HS6ST2: variants seen among roughly 807,000 people sequenced by gnomAD.
HS6ST2 encodes heparan sulfate 6-O-sulfotransferase 2, also known as heparan-sulfate 6-O-sulfotransferase 2.
A neutral mutation model predicts 33.0 loss-of-function variants in HS6ST2; 17 were observed. The ratio of observed to expected loss-of-function variants is 0.52; its 90% CI spans 0.35 to 0.77. HS6ST2 has a LOEUF of 0.77. Among genes scored for constraint, HS6ST2 ranks in the 30% least tolerant of loss-of-function variants. The pLI is 0.01. For missense variants in HS6ST2, 519 were observed against 551.7 expected, an observed-to-expected ratio of 0.94 and a Z score of 0.59; for synonymous variants, 248 against 237.1, an observed-to-expected ratio of 1.05 and a Z score of -0.42.
chrX:132,858,061 AC>A (rs1281911952), intron 2 of HS6ST2, among the ~76,000 whole-genome samples: 3 of 111,675 alleles, frequency 2.7e-5, no homozygotes, highest in Non-Finnish European at 5.6e-5. Flanking sequence ...GTTTAAAATG[AC>A]CCTCACTGTT....
In HS6ST2 at chrX:132,779,522, G is replaced by C. The variant is rs189829138; in HGVS notation, c.948-71028C>G. Among the ~76,000 whole-genome samples, 44 of 110,495 alleles carry C rather than the reference G, an allele frequency of 4.0e-4. No homozygotes were observed. The East Asian group carries it at 6.3e-3, about 16-fold the overall frequency. Reference sequence around the variant, plus strand: ...TATAGTTTTTTTTTTAGCTCATTAAGACATGAGCTGCAAAATAAACTTAAG... The same window carrying C: ...TATAGTTTTTTTTTTAGCTCATTAACACATGAGCTGCAAAATAAACTTAAG... On this transcript the variant is annotated intron_variant, in intron 2 of 4. Transcript: ENST00000370833.
intron 2 of HS6ST2, among the ~76,000 whole-genome samples, chrX:132,834,787 G>A (rs1211609447): frequency 3.6e-5 from 4 of 111,739 alleles, no homozygotes; most frequent in Non-Finnish European, 7.5e-5. Context: ...TGGTTGTACT[G>A]AAAGGCAAAA....
intron 4 of HS6ST2, among the ~76,000 whole-genome samples, chrX:132,634,470 T>C (rs1002844073): frequency 1.3e-4 from 15 of 111,946 alleles, no homozygotes; most frequent in African/African-American, 4.5e-4. Flanking sequence ...TGACTCCCCA[T>C]TGGGTTACAT....
At chrX:132,867,802 A>G (rs939459608) in intron 2 of HS6ST2, among the ~76,000 whole-genome samples, 1 of 112,018 alleles carries the variant, frequency 8.9e-6, no homozygotes, top group Non-Finnish European at 1.9e-5. Flanking sequence ...CATGGAAAGG[A>G]AAAACCAGTA....
chrX:132,806,965 G>C (rs1354162221), intron 2 of HS6ST2, among the ~76,000 whole-genome samples: 1 of 110,264 alleles, frequency 9.1e-6, no homozygotes, highest in Non-Finnish European at 1.9e-5. Context: ...ATGTGATTGG[G>C]ACTATTGTGC....
In HS6ST2 at chrX:132,958,431, C is replaced by G; in HGVS notation, c.172G>C (p.Val58Leu). ...GGCCGGGTGTGGAATCCGTGAGACA[C>G]ACCCCTAGGAGGGCCCGCGCGAACT... ...ASVRAGPPRG[V>L]SHGFHTRPLL... The change falls in exon 1 of 5, where the codon GTG (valine) becomes CTG (leucine). Residue 58 changes from valine (V) to leucine (L), a missense_variant. Coordinates refer to ENST00000370833, the MANE Select transcript of HS6ST2 (RefSeq NM_001394073.1). The G allele has an allele frequency of 3.3e-6, 4 of 1,199,130 alleles. No individual in the cohort carries two copies. The South Asian group carries it at 7.2e-5, about 21-fold the overall frequency.
intron 2 of HS6ST2, among the ~76,000 whole-genome samples, chrX:132,825,772 A>G (rs890253959): frequency 7.2e-5 from 8 of 111,367 alleles, no homozygotes; most frequent in African/African-American, 2.3e-4. Flanking sequence ...CCATCTCTCT[A>G]TATAGTCCAA....
At chrX:132,815,388 G>A (rs5977762) in intron 2 of HS6ST2, among the ~76,000 whole-genome samples, 40,333 of 110,236 alleles carry the variant, frequency 0.37, 5,865 homozygotes, top group African/African-American at 0.51. Context: ...ATTATTTCAA[G>A]ACAACAAATG....
chrX:132,819,284 T>C (rs2065428194), intron 2 of HS6ST2, among the ~76,000 whole-genome samples: 1 of 111,648 alleles, frequency 9.0e-6, no homozygotes, highest in South Asian at 3.8e-4. Flanking sequence ...ATTGGAGGTA[T>C]GGCATTTGTA....
At chrX:132,850,437 C>T in intron 2 of HS6ST2, among the ~76,000 whole-genome samples, 1 of 111,058 alleles carries the variant, frequency 9.0e-6, no homozygotes, top group Non-Finnish European at 1.9e-5. Context: ...TGCAATATAC[C>T]AGTACAAATC....
intron 2 of HS6ST2, among the ~76,000 whole-genome samples, chrX:132,859,206 G>C (rs2065883818): frequency 9.0e-6 from 1 of 111,652 alleles, no homozygotes; most frequent in Admixed American, 9.6e-5. Flanking sequence ...CCTCAATCAA[G>C]CTACCCATGT....
chrX:132,653,045 C>T (rs759867608), intron 4 of HS6ST2, among the ~76,000 whole-genome samples: 6 of 111,627 alleles, frequency 5.4e-5, no homozygotes, highest in Non-Finnish European at 1.1e-4. Flanking sequence ...ACAGTAAATA[C>T]CATGTGCTTG....
rs770973614 is a variant in HS6ST2, at chrX:132,919,861, G to A, written c.947+36947C>T. Among the ~76,000 whole-genome samples, 4 of 112,005 alleles carry A rather than the reference G, an allele frequency of 3.6e-5. No individual in the cohort carries two copies. In the East Asian group the frequency reaches 1.1e-3, roughly 32 times the overall value. Reference sequence around the variant, plus strand: ...GCTGCCTGAACACATTTGAAAACCTGATTTACCCTTTAAGATTTCATTTGA... The same window carrying A: ...GCTGCCTGAACACATTTGAAAACCTAATTTACCCTTTAAGATTTCATTTGA... On this transcript the variant is annotated intron_variant, in intron 2 of 4. Transcript: ENST00000370833.
intron 2 of HS6ST2, among the ~76,000 whole-genome samples, chrX:132,839,540 G>A (rs141447963): frequency 0.069 from 7,472 of 108,446 alleles, 282 homozygotes; most frequent in Middle Eastern, 0.13. Context: ...CTGGAACCTC[G>A]GAAGGGTGGG....
At chrX:132,860,777 CTTTTTTTTTTTT>C (rs58059164) in intron 2 of HS6ST2, among the ~76,000 whole-genome samples, 194 of 52,892 alleles carry the variant, frequency 3.7e-3, no homozygotes, top group African/African-American at 0.016. Context: ...GCATGTGTAT[CTTTTTTTTTTTT>C]TTTTTTTTTT....
intron 2 of HS6ST2, among the ~76,000 whole-genome samples, chrX:132,881,604 G>C (rs1187250581): frequency 9.0e-6 from 1 of 111,449 alleles, no homozygotes; most frequent in African/African-American, 3.3e-5. Flanking sequence ...AGTTTCTTTT[G>C]CTGTGCAGAA....
intron 2 of HS6ST2, among the ~76,000 whole-genome samples, chrX:132,929,586 A>C (rs1345803509): frequency 2.7e-5 from 3 of 111,832 alleles, no homozygotes; most frequent in Non-Finnish European, 5.6e-5. Flanking sequence ...TAGATAAAGT[A>C]GACTTTGGAA....
At chrX:132,861,819 T>C (rs924719021) in intron 2 of HS6ST2, among the ~76,000 whole-genome samples, 3 of 111,933 alleles carry the variant, frequency 2.7e-5, no homozygotes, top group Non-Finnish European at 5.6e-5. Context: ...TCGTTGCAAA[T>C]ATTCCCCAAA....
intron 3 of HS6ST2, among the ~76,000 whole-genome samples, chrX:132,672,172 G>C (rs746641585): frequency 9.0e-6 from 1 of 110,908 alleles, no homozygotes; most frequent in South Asian, 3.9e-4. Flanking sequence ...AAGATCTTTG[G>C]GGCAAAGACC....
Sources: gnomAD v4.1 joint callset for allele counts (sites outside exome capture counted in the v4.1 genomes callset) on GRCh38, gnomAD v4.1.1 for gene constraint, MANE v1.5 for transcripts, NCBI Gene and HGNC (gene_info 2026-07-23, HGNC 2026-07-21) for gene names.